The following FRAS1 variants were observed in gnomAD, a reference collection of about 807,000 sequenced individuals.
The protein encoded by FRAS1 is extracellular matrix organizing protein FRAS1.
A neutral mutation model predicts 435.2 loss-of-function variants in FRAS1; 290 were observed. The observed-to-expected ratio is 0.67, with a 90% CI of 0.61 to 0.73. The LOEUF (loss-of-function observed/expected upper bound fraction) is 0.73, where lower values mean the gene tolerates loss of function less well. FRAS1 is among the 30% of genes least tolerant of loss of function. FRAS1 has a pLI of 0.00. For synonymous variants in FRAS1, 1,800 were observed against 1,851.0 expected (o/e 0.97, Z 0.71); for missense variants, 4,860 against 5,001.5 (o/e 0.97, Z 0.85).
chr4:78,297,646 C>T (rs1168109504), intron 14 of FRAS1, among the ~76,000 whole-genome samples: 2 of 152,100 alleles, frequency 1.3e-5, no homozygotes, highest in Non-Finnish European at 2.9e-5. Context: ...GGGACCTTAC[C>T]AAATAAATTA....
At chr4:78,264,768 T>C in intron 6 of FRAS1, 1 of 512,458 alleles carries the variant, frequency 2.0e-6, no homozygotes. Flanking sequence ...GAACCATTAT[T>C]ATTGTTATTT....
At position 78,438,656 on chromosome 4, in the gene FRAS1, G is replaced by A. The variant is rs1734524292; in HGVS notation, c.5304G>A (p.Glu1768=). ...CTCTCTTAAGAATCTCAGGATCTGA[G>A]GTGGAAGAGCTCTCAGAAGTTTCCA... The part of the protein sequence containing the change: ...YGTLLRISGS[E]VEELSEVSNF... The change falls in exon 39 of 74, where the codon GAG becomes GAA. Residue 1768 remains glutamate (E), a synonymous_variant. Transcript: ENST00000512123. 1 of 1,613,188 alleles carries A rather than the reference G, an allele frequency of 6.2e-7. No individual in the cohort carries two copies. The highest frequency in any genetic ancestry group is 8.5e-7 in the Non-Finnish European group (1 of 1,179,546).
intron 6 of FRAS1, chr4:78,264,792 T>C: frequency 1.7e-6 from 1 of 590,602 alleles, no homozygotes; most frequent in Non-Finnish European, 3.1e-6. Flanking sequence ...CTTTTCTTTG[T>C]TTTTAAAATA....
intron 14 of FRAS1, among the ~76,000 whole-genome samples, chr4:78,294,597 AC>A (rs1179420601): frequency 6.6e-6 from 1 of 152,178 alleles, no homozygotes; most frequent in African/African-American, 2.4e-5. Context: ...GTCCATGTGG[AC>A]CTGCCAAAGC....
chr4:78,069,011 T>C (rs577910532), intron 2 of FRAS1, among the ~76,000 whole-genome samples: 61 of 152,240 alleles, frequency 4.0e-4, no homozygotes, highest in African/African-American at 1.3e-3. Flanking sequence ...CATTACTATA[T>C]GATTCTAGGA....
intron 46 of FRAS1, 67 bp from the exon 47 acceptor site, chr4:78,452,108 A>T: frequency 6.6e-7 from 1 of 1,512,742 alleles, no homozygotes; most frequent in South Asian, 1.1e-5. Flanking sequence ...TCTTGGCACC[A>T]GGCCTAGAAT....
intron 2 of FRAS1, among the ~76,000 whole-genome samples, chr4:78,209,873 C>G (rs952479379): frequency 1.3e-5 from 2 of 152,330 alleles, no homozygotes; most frequent in Admixed American, 1.3e-4. Context: ...TGACCTGCCT[C>G]TCAAATGAAC....
At chr4:78,446,482 C>T (rs1560733119) in intron 42 of FRAS1, 3 of 1,296,464 alleles carry the variant, frequency 2.3e-6, no homozygotes, top group Non-Finnish European at 9.7e-7. Context: ...GGTCATTGTA[C>T]TTACGGAAGA....
chr4:78,259,847 C>T (rs1214907184), intron 6 of FRAS1, among the ~76,000 whole-genome samples: 5 of 151,888 alleles, frequency 3.3e-5, no homozygotes, highest in South Asian at 2.1e-4. Flanking sequence ...TTAGGTTGAA[C>T]GTTTAAGTCT....
At chr4:78,417,822 AG>A (rs111952289) in intron 32 of FRAS1, among the ~76,000 whole-genome samples, 3,922 of 152,312 alleles carry the variant, frequency 0.026, 183 homozygotes, top group African/African-American at 0.089. Context: ...TGAAAGAAGG[AG>A]GGCTTCAAAG....
chr4:78,180,851 T>C, intron 2 of FRAS1: 2 of 1,570,168 alleles, frequency 1.3e-6, no homozygotes, highest in Non-Finnish European at 1.8e-6. Context: ...ACCAGGGTTG[T>C]CTTATGGCAT....
chr4:78,361,554 G>A (rs1391063383), intron 20 of FRAS1, among the ~76,000 whole-genome samples: 1 of 152,188 alleles, frequency 6.6e-6, no homozygotes, highest in African/African-American at 2.4e-5. Flanking sequence ...GTCCTCTGAA[G>A]GGTTCTCATG....
intron 2 of FRAS1, among the ~76,000 whole-genome samples, chr4:78,192,702 G>A (rs552695409): frequency 1.1e-4 from 17 of 152,172 alleles, no homozygotes; most frequent in African/African-American, 3.6e-4. Flanking sequence ...TATCAGTTTT[G>A]TTGATCTTTT....
chr4:78,205,009 T>C (rs1723198155), intron 2 of FRAS1, among the ~76,000 whole-genome samples: 1 of 152,168 alleles, frequency 6.6e-6, no homozygotes, highest in Non-Finnish European at 1.5e-5. Flanking sequence ...TTTTGCTCTG[T>C]TTCCTAAGCT....
chr4:78,111,796 C>T (rs116227149), intron 2 of FRAS1, among the ~76,000 whole-genome samples: 3,416 of 145,034 alleles, frequency 0.024, 93 homozygotes, highest in South Asian at 0.096. Context: ...GTCTGTTTTG[C>T]AACAATGTAA....
chr4:78,198,468 C>G (rs1289208052), intron 2 of FRAS1, among the ~76,000 whole-genome samples: 9 of 152,158 alleles, frequency 5.9e-5, no homozygotes, highest in Admixed American at 6.5e-5. Flanking sequence ...TTGTCTCAGG[C>G]CCTGCTTTGA....
At chr4:78,433,257 A>G (rs1456654222) in intron 38 of FRAS1, among the ~76,000 whole-genome samples, 1 of 152,226 alleles carries the variant, frequency 6.6e-6, no homozygotes, top group African/African-American at 2.4e-5. Context: ...ATTCTACCTC[A>G]GGAGCTAAGG....
intron 27 of FRAS1, among the ~76,000 whole-genome samples, chr4:78,383,604 ATGT>A (rs1330663928): frequency 6.6e-6 from 1 of 152,134 alleles, no homozygotes; most frequent in African/African-American, 2.4e-5. Flanking sequence ...GACATTGCAA[ATGT>A]TGTTACTAGG....
At chr4:78,153,642 AGGT>A (rs1720766481) in intron 2 of FRAS1, among the ~76,000 whole-genome samples, 1 of 152,078 alleles carries the variant, frequency 6.6e-6, no homozygotes, top group East Asian at 1.9e-4. Flanking sequence ...TGATATGAGG[AGGT>A]GGTATTAATT....
Sources: allele counts gnomAD v4.1 joint callset (sites outside exome capture counted in the v4.1 genomes callset), GRCh38; gene constraint gnomAD v4.1.1; transcripts MANE v1.5; gene names NCBI Gene and HGNC (gene_info 2026-07-23, HGNC 2026-07-21).